PYGO1: variants seen among roughly 807,000 people sequenced by gnomAD.
PYGO1 encodes the protein pygopus family PHD finger 1.
Under a neutral mutation model 29.5 loss-of-function variants are expected in PYGO1, and 6 were observed. The ratio of observed to expected loss-of-function variants is 0.20; its 90% confidence interval spans 0.11 to 0.40. The LOEUF (loss-of-function observed/expected upper bound fraction) is 0.40. PYGO1 is among the 10% of genes least tolerant of loss of function. The pLI is 1.00. For missense variants in PYGO1, 515 were observed against 514.9 expected, an observed-to-expected ratio of 1.00 and a Z score of 0.00; for synonymous variants, 186 against 180.5, an observed-to-expected ratio of 1.03 and a Z score of -0.24.
intron 1 of PYGO1, among the ~76,000 whole-genome samples, chr15:55,556,299 T>A (rs1184522513): frequency 6.6e-6 from 1 of 151,860 alleles, no homozygotes; most frequent in African/African-American, 2.4e-5. Context: ...ATCATAACAG[T>A]CTCTCACACC....
chr15:55,584,396 C>CGGT (rs755395239), intron 1 of PYGO1, among the ~76,000 whole-genome samples: 8 of 152,150 alleles, frequency 5.3e-5, no homozygotes, highest in Non-Finnish European at 1.2e-4. Flanking sequence ...CAAGCGTGAG[C>CGGT]CACTGCGCCC....
Position 55,543,837 on chromosome 15 carries a change from A to G in PYGO1, c.*2186T>C, listed in dbSNP as rs1476911180. 6.6e-6 allele frequency: 1 copy of G among 152,204 alleles called. No homozygotes were observed. Among genetic ancestry groups the G allele is most frequent in the African/African-American group, 2.4e-5 (1 of 41,454 alleles). 9.4% of individuals were successfully genotyped at this position (152,204 alleles called of 1,614,324 possible). A position where few individuals can be genotyped will look rare whatever the true frequency, so the allele number is the denominator to read the frequency against. On this transcript the variant is annotated 3_prime_UTR_variant, in exon 3 of 3. Transcript: ENST00000563719. Reference sequence around the variant, plus strand: ...CTAGGCATACAGCATACAGTGCATCATTTATTAAAAATCAGCACTCATTAA... The same window carrying G: ...CTAGGCATACAGCATACAGTGCATCGTTTATTAAAAATCAGCACTCATTAA...
rs35553781 is a variant in PYGO1, at chr15:55,573,008, T to TAA, written c.49+14825_49+14826dup. ...GGTCAACACAGTGAGACTCTGTCTT[T>TAA]AAAAAAAAAAAAAAAAAGCTGGGCA... On this transcript the variant is annotated intron_variant, in intron 1 of 2. Transcript: ENST00000563719. Among the ~76,000 whole-genome samples the TAA allele has an allele frequency of 5.9e-3, 809 of 137,626 alleles. 4 individuals are homozygous for TAA. The highest frequency in any genetic ancestry group is 0.015 in the African/African-American group (533 of 36,220). The allele number at this position is 137,626 out of a possible 152,430, so 90.3% of individuals were successfully genotyped here.
chr15:55,556,977 T>C (rs1032922268), intron 1 of PYGO1, among the ~76,000 whole-genome samples: 12 of 151,334 alleles, frequency 7.9e-5, no homozygotes, highest in Admixed American at 7.9e-4. Flanking sequence ...AGTAACAAGT[T>C]CTGAAATTGA....
At chr15:55,547,748 G>A (rs1002889342) in intron 2 of PYGO1, among the ~76,000 whole-genome samples, 1 of 152,174 alleles carries the variant, frequency 6.6e-6, no homozygotes, top group Non-Finnish European at 1.5e-5. Flanking sequence ...ATACTTACTA[G>A]TAGCCTTTAT....
chr15:55,549,323 T>C (rs760069015), intron 1 of PYGO1, among the ~76,000 whole-genome samples: 1 of 152,194 alleles, frequency 6.6e-6, no homozygotes. Context: ...ATAATCTAGA[T>C]ATATTAAAGT....
intron 1 of PYGO1, among the ~76,000 whole-genome samples, chr15:55,573,296 A>C (rs2058987723): frequency 6.6e-6 from 1 of 150,650 alleles, no homozygotes; most frequent in Non-Finnish European, 1.5e-5. Context: ...ACAGAGCAAG[A>C]CTCCATCTCA....
intron 1 of PYGO1, among the ~76,000 whole-genome samples, chr15:55,586,296 A>G (rs115030951): frequency 7.4e-4 from 113 of 152,204 alleles, no homozygotes; most frequent in African/African-American, 2.5e-3. Context: ...TCTACAGTCT[A>G]TTCTCCGCAC....
chr15:55,570,133 C>T lies in PYGO1; in HGVS notation c.49+17702G>A, dbSNP rs7180748. On this transcript the variant is annotated intron_variant, in intron 1 of 2. Transcript: ENST00000563719. ...CTACCTCTTTCACATACTTAGGCCT[C>T]ACTCACTTTTATCAACTGGATGCCA... Among the ~76,000 whole-genome samples the T allele has an allele frequency of 1.3e-3, 195 of 152,290 alleles. 1 individual carries two copies. Among genetic ancestry groups the T allele is most frequent in the African/African-American group, 4.6e-3 (190 of 41,558 alleles).
At chr15:55,566,138 G>A (rs994750825) in intron 1 of PYGO1, among the ~76,000 whole-genome samples, 9 of 152,092 alleles carry the variant, frequency 5.9e-5, no homozygotes, top group African/African-American at 2.2e-4. Flanking sequence ...TGTTACCTGG[G>A]TATATTGTAT....
In PYGO1 at chr15:55,543,454, A is replaced by G. The variant is rs1022525217; in HGVS notation, c.*2569T>C. 1 of 152,224 alleles carries G rather than the reference A, an allele frequency of 6.6e-6. No homozygotes were observed. Among genetic ancestry groups the G allele is most frequent in the African/African-American group, 2.4e-5 (1 of 41,464 alleles). 9.4% of individuals were successfully genotyped at this position (152,224 alleles called of 1,614,324 possible). Reference sequence around the variant, plus strand: ...AATGAACCGTGAGTTTTTCTTTTGAATATTTACAGATTCTTATTTAAGTAA... The same window carrying G: ...AATGAACCGTGAGTTTTTCTTTTGAGTATTTACAGATTCTTATTTAAGTAA... On this transcript the variant is annotated 3_prime_UTR_variant, in exon 3 of 3. Transcript: ENST00000563719.
intron 1 of PYGO1, among the ~76,000 whole-genome samples, chr15:55,553,736 C>G (rs1411581835): frequency 6.6e-6 from 1 of 152,072 alleles, no homozygotes; most frequent in Admixed American, 6.5e-5. Flanking sequence ...AACCTCTGAA[C>G]CGGGGTCTCC....
At chr15:55,585,806 T>G (rs1032328119) in intron 1 of PYGO1, among the ~76,000 whole-genome samples, 4 of 152,198 alleles carry the variant, frequency 2.6e-5, no homozygotes, top group African/African-American at 9.7e-5. Flanking sequence ...TTCTTTTCCT[T>G]TAACCCCAAA....
intron 1 of PYGO1, among the ~76,000 whole-genome samples, chr15:55,566,981 C>T (rs7172535): frequency 0.038 from 5,829 of 152,164 alleles, 310 homozygotes; most frequent in African/African-American, 0.11. Context: ...ATCCACCTAC[C>T]TCAGCCTCCC....
chr15:55,573,652 T>C (rs775812312), intron 1 of PYGO1, among the ~76,000 whole-genome samples: 10 of 152,192 alleles, frequency 6.6e-5, no homozygotes, highest in Non-Finnish European at 1.2e-4. Flanking sequence ...TATAGTTGAT[T>C]CTTGAACAAT....
rs143192545 is a variant in PYGO1 at position 55,560,900 on chromosome 15, C to A, written c.50-11905G>T. Among the ~76,000 whole-genome samples, 3 of 152,202 alleles carry A rather than the reference C, an allele frequency of 2.0e-5. No individual in the cohort carries two copies. In the South Asian group the frequency reaches 6.2e-4, roughly 32 times the overall value. ...TTGCTTGAACCTGTGTTGCAGTGAG[C>A]CGAGATCATGCCACTGCACTCCAGC... is the stretch of plus-strand genomic sequence containing the variant. On this transcript the variant is annotated intron_variant, in intron 1 of 2. Coordinates refer to ENST00000563719, the MANE Select transcript of PYGO1 (RefSeq NM_001367806.1).
chr15:55,560,676 C>G (rs894373250), intron 1 of PYGO1, among the ~76,000 whole-genome samples: 2 of 152,110 alleles, frequency 1.3e-5, no homozygotes, highest in African/African-American at 4.8e-5. Context: ...TTAGAAAACA[C>G]TACTAGCTGG....
chr15:55,569,629 C>T (rs1326991688), intron 1 of PYGO1, among the ~76,000 whole-genome samples: 1 of 152,156 alleles, frequency 6.6e-6, no homozygotes, highest in Non-Finnish European at 1.5e-5. Context: ...CTTGGTACTT[C>T]TATGTTTATT....
At position 55,572,927 on chromosome 15, in the gene PYGO1, C is replaced by T. The variant is rs181509091; in HGVS notation, c.49+14908G>A. 7.2e-3 allele frequency among the ~76,000 whole-genome samples: 1,079 copies of T among 150,638 alleles called. 15 individuals carry two copies. The highest frequency in any genetic ancestry group is 0.025 in the African/African-American group (1,021 of 40,990). ...GTAGCTAATGTCTGTAATCCCAGCA[C>T]ATTGGGAGGCCAAGGTAGGAGGATC... On this transcript the variant is annotated intron_variant, in intron 1 of 2. Transcript: ENST00000563719.
Sources: allele counts gnomAD v4.1 joint callset (sites outside exome capture counted in the v4.1 genomes callset), GRCh38; gene constraint gnomAD v4.1.1; transcripts MANE v1.5; gene names NCBI Gene and HGNC (gene_info 2026-07-23, HGNC 2026-07-21).